Variants in FBXL17 observed in about 807,000 individuals in gnomAD.
FBXL17 encodes the protein F-box and leucine rich repeat protein 17.
A neutral mutation model predicts 66.2 loss-of-function variants in FBXL17; 22 were observed. The observed-to-expected ratio is 0.33, with a 90% CI of 0.24 to 0.47. The LOEUF is 0.47. Among genes scored for constraint, FBXL17 ranks in the 20% least tolerant of loss-of-function variants. FBXL17 has a pLI of 1.00. For synonymous variants in FBXL17, 474 were observed against 400.5 expected, an observed-to-expected ratio of 1.18 and a Z score of -2.19; for missense variants, 878 against 948.2, an observed-to-expected ratio of 0.93 and a Z score of 0.97.
At chr5:108,196,252 T>A (rs145527476) in intron 5 of FBXL17, among the ~76,000 whole-genome samples, 1 of 151,816 alleles carries the variant, frequency 6.6e-6, no homozygotes, top group African/African-American at 2.4e-5. Context: ...AAAACGCTTA[T>A]AGCAATAGTG....
rs1341083825 is a variant in FBXL17 at position 108,346,492 on chromosome 5, C to A, written c.1506+1907G>T. ...CCATTGGCTAAAAATTGTTTGATTG[C>A]CAATAAAACTATTTCTTTATGTTTA... On this transcript the variant is annotated intron_variant, in intron 4 of 8. Coordinates refer to ENST00000542267, the MANE Select transcript of FBXL17 (RefSeq NM_001163315.3). 2.6e-5 allele frequency among the ~76,000 whole-genome samples: 4 copies of A among 151,932 alleles called. No individual in the cohort carries two copies. In the East Asian group the frequency reaches 7.7e-4, roughly 29 times the overall value.
intron 7 of FBXL17, among the ~76,000 whole-genome samples, chr5:107,985,558 CTT>C (rs1440748968): frequency 2.0e-5 from 3 of 152,274 alleles, no homozygotes; most frequent in Non-Finnish European, 2.9e-5. Flanking sequence ...AAATTAGTCT[CTT>C]GTTTACTTCA....
Position 108,367,373 on chromosome 5 carries a change from A to C in FBXL17, c.1116+458T>G, listed in dbSNP as rs1251277170. 2.6e-5 allele frequency among the ~76,000 whole-genome samples: 4 copies of C among 152,192 alleles called. No individual in the cohort carries two copies. In the East Asian group the frequency reaches 7.7e-4, roughly 29 times the overall value. ...GGTTATCTTAGCCTATTTTACTTCC[A>C]TTTCTTCATCTGTAAAGGAGAAAAA... On this transcript the variant is annotated intron_variant, in intron 2 of 8. Transcript: ENST00000542267.
At chr5:107,886,192 T>G (rs561225587) in intron 7 of FBXL17, among the ~76,000 whole-genome samples, 1 of 152,336 alleles carries the variant, frequency 6.6e-6, no homozygotes, top group Non-Finnish European at 1.5e-5. Flanking sequence ...AGGAATTCAG[T>G]AACTACTCTG....
intron 5 of FBXL17, among the ~76,000 whole-genome samples, chr5:108,198,826 T>C (rs887048815): frequency 6.6e-6 from 1 of 152,332 alleles, no homozygotes; most frequent in African/African-American, 2.4e-5. Flanking sequence ...GGTTAATGAC[T>C]ATGCTACAGG....
chr5:107,859,391 T>G lies in FBXL17; in HGVS notation c.*2329A>C, dbSNP rs996930876. On this transcript the variant is annotated 3_prime_UTR_variant, in exon 9 of 9. Transcript: ENST00000542267. ...TCAAGGTGATGCTTTTTTCTGGCTG[T>G]TTTTTTTTTTTTTTTTTTTTTTTTT... 6 of 12,878 alleles carry G rather than the reference T, an allele frequency of 4.7e-4. No individual in the cohort carries two copies. Among genetic ancestry groups the G allele is most frequent in the African/African-American group, 1.9e-3 (6 of 3,176 alleles). The allele number at this position is 12,878 out of a possible 1,614,324, so 0.8% of individuals were successfully genotyped here. A position where few individuals can be genotyped will look rare whatever the true frequency, so the allele number is the denominator to read the frequency against.
intron 4 of FBXL17, 74 bp from the exon 5 acceptor site, chr5:108,224,302 C>A: frequency 1.4e-6 from 1 of 711,146 alleles, no homozygotes. Context: ...CCTGAAAATC[C>A]TCTCAGCCCC....
chr5:108,091,661 C>T (rs1275494624), intron 6 of FBXL17, among the ~76,000 whole-genome samples: 2 of 152,092 alleles, frequency 1.3e-5, no homozygotes, highest in African/African-American at 2.4e-5. Context: ...ATACTTTCCC[C>T]CTACTTCTTA....
intron 4 of FBXL17, chr5:108,299,059 C>G (rs551896970): frequency 2.0e-6 from 2 of 976,814 alleles, no homozygotes; most frequent in African/African-American, 3.5e-5. Flanking sequence ...CATATCTGAA[C>G]AAAAAAGCCC....
chr5:107,905,902 T>C, intron 7 of FBXL17, among the ~76,000 whole-genome samples: 1 of 152,186 alleles, frequency 6.6e-6, no homozygotes, highest in Admixed American at 6.6e-5. Context: ...TCTACCTTTG[T>C]GCATATATGC....
At position 108,092,181 on chromosome 5, in the gene FBXL17, G is replaced by A. The variant is rs191239996; in HGVS notation, c.1746-71180C>T. On this transcript the variant is annotated intron_variant, in intron 6 of 8. Transcript: ENST00000542267. ...GCTCTTCAAAGCCTCCTCCTAGTATGCTGGACCAGTGGAGATCTGGACTTT... is the reference window on the plus strand; with the variant it reads ...GCTCTTCAAAGCCTCCTCCTAGTATACTGGACCAGTGGAGATCTGGACTTT... Among the ~76,000 whole-genome samples the A allele has an allele frequency of 2.6e-5, 4 of 152,316 alleles. No individual in the cohort carries two copies. In the East Asian group the frequency reaches 7.7e-4, roughly 29 times the overall value.
rs981346467 is a variant in FBXL17, at chr5:108,331,611, T to C, written c.1506+16788A>G. ...ATTTAGTGCAATCATTTTATCCTTA[T>C]GAAAAATTACAATGGCTGAACTTAT... On this transcript the variant is annotated intron_variant, in intron 4 of 8. Coordinates refer to ENST00000542267, the MANE Select transcript of FBXL17 (RefSeq NM_001163315.3). Among the ~76,000 whole-genome samples the C allele has an allele frequency of 2.0e-5, 3 of 152,204 alleles. No individual in the cohort carries two copies. The East Asian group carries it at 5.8e-4, about 29-fold the overall frequency.
intron 6 of FBXL17, among the ~76,000 whole-genome samples, chr5:108,128,692 T>C (rs756476812): frequency 6.6e-6 from 1 of 152,046 alleles, no homozygotes; most frequent in East Asian, 1.9e-4. Context: ...TATGTGAAGA[T>C]CTACAGCACA....
chr5:107,979,616 C>A (rs1049878316), intron 7 of FBXL17, among the ~76,000 whole-genome samples: 1 of 152,174 alleles, frequency 6.6e-6, no homozygotes, highest in Non-Finnish European at 1.5e-5. Flanking sequence ...CTCTCACAAG[C>A]CCCCTCTGGA....
intron 6 of FBXL17, among the ~76,000 whole-genome samples, chr5:108,155,965 A>G (rs962097897): frequency 6.6e-6 from 1 of 152,166 alleles, no homozygotes; most frequent in Non-Finnish European, 1.5e-5. Context: ...AGTACTATAA[A>G]TAAAAAGGCT....
At chr5:108,312,761 AT>A (rs1212039982) in intron 4 of FBXL17, among the ~76,000 whole-genome samples, 1 of 152,142 alleles carries the variant, frequency 6.6e-6, no homozygotes, top group Admixed American at 6.6e-5. Flanking sequence ...CAATTTAGTT[AT>A]TCTATGTAAC....
intron 3 of FBXL17, among the ~76,000 whole-genome samples, chr5:108,362,427 G>C (rs1748401853): frequency 1.3e-5 from 2 of 152,088 alleles, no homozygotes; most frequent in Admixed American, 6.6e-5. Context: ...GCAAGTGCTA[G>C]ATGATAACAA....
intron 4 of FBXL17, among the ~76,000 whole-genome samples, chr5:108,283,136 C>G (rs1481993103): frequency 1.3e-5 from 2 of 151,200 alleles, no homozygotes; most frequent in African/African-American, 4.9e-5. Context: ...ATTTTTTACA[C>G]AAGTACAAAA....
At chr5:108,167,981 T>C (rs1199217267) in intron 6 of FBXL17, among the ~76,000 whole-genome samples, 1 of 152,152 alleles carries the variant, frequency 6.6e-6, no homozygotes, top group Non-Finnish European at 1.5e-5. Context: ...TTAGAGATCA[T>C]ATCGTTGCTC....
Sources: allele counts gnomAD v4.1 joint callset (sites outside exome capture counted in the v4.1 genomes callset), GRCh38; gene constraint gnomAD v4.1.1; transcripts MANE v1.5; gene names NCBI Gene and HGNC (gene_info 2026-07-23, HGNC 2026-07-21).